The following KIAA1671 variants were observed in gnomAD, a reference collection of about 807,000 sequenced individuals.
KIAA1671 encodes KIAA1671.
Under a neutral mutation model 131.2 loss-of-function variants are expected in KIAA1671, and 52 were observed. That is an observed-to-expected ratio of 0.40 (90% CI 0.32 to 0.50). The LOEUF (loss-of-function observed/expected upper bound fraction) is 0.50, where lower values mean the gene tolerates loss of function less well. Ranked by LOEUF, KIAA1671 falls within the 20% of genes least tolerant of loss-of-function variation. The pLI is 0.73. For synonymous variants in KIAA1671, 1,003 were observed against 961.6 expected, an observed-to-expected ratio of 1.04 and a Z score of -0.80; for missense variants, 2,360 against 2,364.2, an observed-to-expected ratio of 1.00 and a Z score of 0.04.
At chr22:25,077,486 C>T (rs9620484) in intron 6 of KIAA1671, among the ~76,000 whole-genome samples, 10,521 of 152,270 alleles carry the variant, frequency 0.069, 1,193 homozygotes, top group African/African-American at 0.24. Flanking sequence ...TCTCCAGCCC[C>T]GCCCAGGGTC....
At chr22:25,170,095 A>G (rs949999533) in intron 6 of KIAA1671, among the ~76,000 whole-genome samples, 3 of 151,988 alleles carry the variant, frequency 2.0e-5, no homozygotes, top group African/African-American at 7.3e-5. Flanking sequence ...TTATATTTTT[A>G]GTAGAGATGA....
chr22:24,955,972 G>T (rs981043671), intron 1 of KIAA1671, among the ~76,000 whole-genome samples: 1 of 147,494 alleles, frequency 6.8e-6, no homozygotes, highest in African/African-American at 2.5e-5. Context: ...TTGCAGTGAA[G>T]CAAGATCATG....
chr22:24,964,495 C>T (rs544297285), intron 1 of KIAA1671, among the ~76,000 whole-genome samples: 1 of 152,116 alleles, frequency 6.6e-6, no homozygotes, highest in Non-Finnish European at 1.5e-5. Context: ...TATCACAGCT[C>T]ACTGCAACTT....
intron 5 of KIAA1671, among the ~76,000 whole-genome samples, chr22:25,042,069 G>GCT (rs1178632296): frequency 6.6e-6 from 1 of 152,190 alleles, no homozygotes; most frequent in African/African-American, 2.4e-5. Flanking sequence ...AGGCAGGAAT[G>GCT]CTGGCCTTGA....
At chr22:25,158,115 C>G (rs965828887) in intron 6 of KIAA1671, among the ~76,000 whole-genome samples, 18 of 152,168 alleles carry the variant, frequency 1.2e-4, no homozygotes, top group African/African-American at 4.3e-4. Flanking sequence ...GCCACCATGC[C>G]CAGCCCACAT....
intron 4 of KIAA1671, among the ~76,000 whole-genome samples, chr22:25,034,825 C>T (rs1008499585): frequency 1.3e-5 from 2 of 152,062 alleles, no homozygotes; most frequent in Non-Finnish European, 2.9e-5. Context: ...GCAAGCTCCG[C>T]CTCCTGGGTT....
intron 4 of KIAA1671, among the ~76,000 whole-genome samples, chr22:25,033,865 C>G (rs1462243015): frequency 3.3e-5 from 5 of 151,898 alleles, no homozygotes; most frequent in African/African-American, 1.2e-4. Context: ...CAGGTGTGAG[C>G]CACCGTGCCT....
Position 25,041,175 on chromosome 22 carries a change from A to G in KIAA1671, c.4045A>G (p.Lys1349Glu). The change falls in exon 5 of 13, where the codon AAG becomes GAG. Residue 1349 changes from lysine (K) to glutamate (E), a missense_variant. By Grantham distance (56) the Lys-to-Glu change is moderately conservative. Around this residue, in one of 3 missense-constraint regions of KIAA1671, gnomAD observed 1,161 missense variants for 1,204.7 expected, o/e 0.96. Transcript: ENST00000358431. ...AKCQNYLAESKPSGREDPGSG... is the reference protein window; with the variant it reads ...AKCQNYLAESEPSGREDPGSG... The stretch of plus-strand genomic sequence containing the variant: ...GTGTCAGAATTACCTGGCTGAGTCA[A>G]AGCCCTCTGGTCGGGAGGATCCAGG... 2 of 1,551,760 alleles carry G rather than the reference A, an allele frequency of 1.3e-6. No homozygotes were observed. The highest frequency in any genetic ancestry group is 1.7e-6 in the Non-Finnish European group (2 of 1,146,974).
At chr22:25,188,020 G>T (rs1339158087) in intron 11 of KIAA1671, among the ~76,000 whole-genome samples, 1 of 152,164 alleles carries the variant, frequency 6.6e-6, no homozygotes, top group Non-Finnish European at 1.5e-5. Context: ...GTTTGAACAG[G>T]CTGGGCATGG....
Position 25,029,082 on chromosome 22 carries a change from G to A in KIAA1671, c.1083G>A (p.Lys361=). Reference sequence around the variant, plus strand: ...AACGGAAGGAGAAGATGCTTTCGAAGCCGGAGATGGGCAGCCCCAGAGCCC... The same window carrying A: ...AACGGAAGGAGAAGATGCTTTCGAAACCGGAGATGGGCAGCCCCAGAGCCC... ...IRERKEKMLS[K]PEMGSPRALV... The change falls in exon 3 of 13, where the codon AAG becomes AAA. Residue 361 remains lysine (K), a synonymous_variant. Coordinates refer to ENST00000358431, the MANE Select transcript of KIAA1671 (RefSeq NM_001145206.2). The A allele has an allele frequency of 6.7e-7, 1 of 1,495,882 alleles. No homozygotes were observed. 92.7% of individuals were successfully genotyped at this position (1,495,882 alleles called of 1,614,324 possible).
chr22:25,190,295 C>T (rs1198704851), intron 11 of KIAA1671, among the ~76,000 whole-genome samples: 16 of 152,074 alleles, frequency 1.1e-4, no homozygotes, highest in Admixed American at 9.8e-4. Flanking sequence ...CAATAGGGTT[C>T]ACACTCCTAT....
At position 25,005,509 on chromosome 22, in the gene KIAA1671, TGCACTCG is replaced by T. The variant is rs1924704239; in HGVS notation, c.-207-20120_-207-20114del. ...GCAGTGGTGGATCATGCAAACTTGTTGCACTCGGCAGTCTAAACCACAAGTGCTCTGT... is the reference window on the plus strand; with the variant it reads ...GCAGTGGTGGATCATGCAAACTTGTTGCAGTCTAAACCACAAGTGCTCTGT... On this transcript the variant is annotated intron_variant, in intron 1 of 12. Transcript: ENST00000358431. Among the ~76,000 whole-genome samples, 4 of 152,130 alleles carry T rather than the reference TGCACTCG, an allele frequency of 2.6e-5. No individual in the cohort carries two copies. In the South Asian group the frequency reaches 6.2e-4, roughly 24 times the overall value.
intron 1 of KIAA1671, among the ~76,000 whole-genome samples, chr22:24,974,263 G>C (rs133088): frequency 0.044 from 6,635 of 152,244 alleles, 215 homozygotes; most frequent in Non-Finnish European, 0.07. Context: ...ACATTGGGCA[G>C]GTCTCACCCC....
At chr22:25,156,082 C>T (rs1159396320) in intron 6 of KIAA1671, among the ~76,000 whole-genome samples, 3 of 116,338 alleles carry the variant, frequency 2.6e-5, no homozygotes, top group African/African-American at 6.4e-5. Flanking sequence ...AGTGCAGTGG[C>T]GTGATCTCGG....
intron 9 of KIAA1671, among the ~76,000 whole-genome samples, chr22:25,180,664 T>C (rs1054426063): frequency 1.3e-5 from 2 of 152,212 alleles, no homozygotes; most frequent in Non-Finnish European, 2.9e-5. Flanking sequence ...TCATTTGGGA[T>C]TTGCCCATAG....
chr22:25,009,757 T>A (rs1409601805), intron 1 of KIAA1671: 1 of 152,116 alleles, frequency 6.6e-6, no homozygotes, highest in Non-Finnish European at 1.5e-5. Context: ...AAATTTTTTG[T>A]ATTTTTAGTA....
intron 6 of KIAA1671, among the ~76,000 whole-genome samples, chr22:25,130,437 G>A (rs1265431739): frequency 6.6e-6 from 1 of 152,150 alleles, no homozygotes; most frequent in Admixed American, 6.5e-5. Flanking sequence ...ACCTCTTCAT[G>A]CCAATTGTAC....
chr22:25,184,711 C>T (rs1934411356), intron 10 of KIAA1671, among the ~76,000 whole-genome samples: 1 of 152,036 alleles, frequency 6.6e-6, no homozygotes, highest in Non-Finnish European at 1.5e-5. Flanking sequence ...GTGCTGAGCA[C>T]ACTACAAATG....
chr22:25,099,120 C>T (rs151262114), intron 6 of KIAA1671, among the ~76,000 whole-genome samples: 4 of 152,296 alleles, frequency 2.6e-5, no homozygotes, highest in Admixed American at 6.5e-5. Flanking sequence ...TCAGACTTTG[C>T]CACTAAGCCG....
Sources: allele counts gnomAD v4.1 joint callset (sites outside exome capture counted in the v4.1 genomes callset), GRCh38; gene constraint gnomAD v4.1.1; regional missense constraint gnomAD v4.1.1; transcripts MANE v1.5; gene names NCBI Gene and HGNC (gene_info 2026-07-23, HGNC 2026-07-21).